FRMPD1: variants seen among roughly 807,000 people sequenced by gnomAD.
The protein encoded by FRMPD1 is FERM and PDZ domain containing 1.
In FRMPD1, 76 loss-of-function variants were observed where a neutral mutation model predicts 117.8. The ratio of observed to expected loss-of-function variants is 0.65; its 90% confidence interval spans 0.54 to 0.78. The LOEUF is 0.78. Among genes scored for constraint, FRMPD1 ranks in the 30% least tolerant of loss-of-function variants. FRMPD1 has a pLI of 0.00. For missense variants in FRMPD1, 1,786 were observed against 1,964.5 expected, an observed-to-expected ratio of 0.91 and a Z score of 1.72; for synonymous variants, 783 against 770.4, an observed-to-expected ratio of 1.02 and a Z score of -0.27.
the FRMPD1 span, among the ~76,000 whole-genome samples, chr9:37,610,259 C>T: frequency 1.3e-5 from 2 of 152,136 alleles, no homozygotes; most frequent in African/African-American, 4.8e-5. Context: ...ATGATCAAAT[C>T]AGAGTCATTG....
In FRMPD1 at chr9:37,740,260, G is replaced by T. The variant is rs1378838567; in HGVS notation, c.1732G>T (p.Ala578Ser). The T allele has an allele frequency of 1.9e-5, 30 of 1,613,788 alleles. No homozygotes were observed. The highest frequency in any genetic ancestry group is 1.6e-4 in the Middle Eastern group (1 of 6,076). ...VARRGPSTCG[A>S]SSTTDSAESE... Reference sequence around the variant, plus strand: ...TAGGAGGGGCCCCAGCACCTGCGGGGCCAGCAGCACGACAGACAGTGCCGA... The same window carrying T: ...TAGGAGGGGCCCCAGCACCTGCGGGTCCAGCAGCACGACAGACAGTGCCGA... The change falls in exon 15 of 16, where the codon GCC (alanine) becomes TCC (serine). Residue 578 changes from alanine to serine, a missense_variant. By Grantham distance (99) the Ala-to-Ser change is moderately conservative. Coordinates refer to ENST00000377765, the MANE Select transcript of FRMPD1 (RefSeq NM_014907.3). This position sits in a 1 kb window ranked among gnomAD's most constrained non-coding sequence, Gnocchi z 4.2.
chr9:37,640,188 A>C, the FRMPD1 span, among the ~76,000 whole-genome samples: 2 of 152,212 alleles, frequency 1.3e-5, no homozygotes, highest in Non-Finnish European at 2.9e-5. Context: ...TTGTCTGCAT[A>C]AGGGCTCCAA....
intron 1 of FRMPD1, among the ~76,000 whole-genome samples, chr9:37,656,103 CCTT>C (rs1808113681): frequency 6.6e-6 from 1 of 152,186 alleles, no homozygotes; most frequent in Admixed American, 6.5e-5. Flanking sequence ...GGCACAATGT[CCTT>C]CATCTTTCTA....
chr9:37,692,491 T>TA (rs1305934290), intron 1 of FRMPD1, 147 bp from the exon 2 acceptor site: 2 of 639,888 alleles, frequency 3.1e-6, no homozygotes, highest in East Asian at 5.3e-5. Flanking sequence ...AGCACCTGTT[T>TA]ATGTTGATTT....
chr9:37,745,479 T>G lies in FRMPD1; in HGVS notation c.3447T>G (p.Asp1149Glu). Residue 1149 changes from aspartate (D) to glutamate (E), a missense_variant, in exon 16 of 16, where the codon GAT (aspartate) becomes GAG (glutamate). By Grantham distance (45) the Asp-to-Glu change is conservative (BLOSUM62 2). Transcript: ENST00000377765. ...DVSNNVSQTLDISSPAGKIVT... is the reference protein window; with the variant it reads ...DVSNNVSQTLEISSPAGKIVT... ...CAAATAATGTTTCACAGACTCTTGATATTAGCTCTCCAGCTGGTAAAATAG... is the reference window on the plus strand; with the variant it reads ...CAAATAATGTTTCACAGACTCTTGAGATTAGCTCTCCAGCTGGTAAAATAG... The G allele has an allele frequency of 1.2e-6, 2 of 1,614,046 alleles. No individual in the cohort carries two copies. Among genetic ancestry groups the G allele is most frequent in the African/African-American group, 2.7e-5 (2 of 75,048 alleles).
chr9:37,704,551 A>G (rs971283344), intron 2 of FRMPD1, among the ~76,000 whole-genome samples: 1 of 152,104 alleles, frequency 6.6e-6, no homozygotes, highest in African/African-American at 2.4e-5. Context: ...TCCCAGCTGT[A>G]TGACTTTAAG....
chr9:37,623,001 A>G, the FRMPD1 span, among the ~76,000 whole-genome samples: 1 of 152,214 alleles, frequency 6.6e-6, no homozygotes, highest in East Asian at 1.9e-4. Context: ...CATATGATAA[A>G]ATAATATATA....
rs569035538 is a variant in FRMPD1, at chr9:37,655,754, C to T, written c.-5+4660C>T. Among the ~76,000 whole-genome samples the T allele has an allele frequency of 2.6e-4, 39 of 152,122 alleles. 1 individual carries two copies. The highest frequency in any genetic ancestry group is 5.8e-4 in the East Asian group (3 of 5,184). On this transcript the variant is annotated intron_variant, in intron 1 of 15. Transcript: ENST00000377765. ...TCCTGACCTTGTGATCCACCCGCCT[C>T]GGCCTCCCAAAGTGCTGAGATTACA... is the stretch of plus-strand genomic sequence containing the variant.
chr9:37,733,561 A>C lies in FRMPD1; in HGVS notation c.1084A>C (p.Met362Leu), dbSNP rs1465209862. 6.2e-7 allele frequency: 1 copy of C among 1,613,934 alleles called. No homozygotes were observed. The highest frequency in any genetic ancestry group is 1.3e-5 in the African/African-American group (1 of 75,046). Reference sequence around the variant, plus strand: ...CATCAAGAAAGCCATTAGCTTCCACATGAAGAGGAACCAGAATTTGCTGGA... The same window carrying C: ...CATCAAGAAAGCCATTAGCTTCCACCTGAAGAGGAACCAGAATTTGCTGGA... ...KDIKKAISFH[M>L]KRNQNLLEPR... The change falls in exon 11 of 16, where the codon ATG becomes CTG. Residue 362 changes from methionine (M) to leucine (L), a missense_variant. Coordinates refer to ENST00000377765, the MANE Select transcript of FRMPD1 (RefSeq NM_014907.3).
chr9:37,626,567 G>C, the FRMPD1 span, among the ~76,000 whole-genome samples: 1 of 136,208 alleles, frequency 7.3e-6, no homozygotes, highest in Non-Finnish European at 1.5e-5. Context: ...CAGGCAGATC[G>C]CTTGAGCTCA....
the FRMPD1 span, among the ~76,000 whole-genome samples, chr9:37,618,853 C>T: frequency 1.3e-5 from 2 of 152,200 alleles, no homozygotes; most frequent in Non-Finnish European, 2.9e-5. Flanking sequence ...TTCCCTAAAG[C>T]ACTCCATGGC....
upstream of FRMPD1, among the ~76,000 whole-genome samples, chr9:37,650,585 G>A (rs1041394804): frequency 1.3e-5 from 2 of 152,320 alleles, no homozygotes; most frequent in African/African-American, 4.8e-5. Context: ...GCGTGAGAAG[G>A]GGGTCGTTTT....
the FRMPD1 span, among the ~76,000 whole-genome samples, chr9:37,630,952 G>A: frequency 2.0e-5 from 3 of 152,156 alleles, no homozygotes; most frequent in African/African-American, 2.4e-5. Context: ...GACTCATACC[G>A]TGACCTCAAG....
chr9:37,694,254 TAC>T (rs2118045237), intron 2 of FRMPD1, among the ~76,000 whole-genome samples: 1 of 152,340 alleles, frequency 6.6e-6, no homozygotes, highest in South Asian at 2.1e-4. Context: ...TCCTATATCC[TAC>T]TTCTGCCTTC....
intron 6 of FRMPD1, among the ~76,000 whole-genome samples, chr9:37,723,247 C>T (rs1169415869): frequency 6.6e-6 from 1 of 152,188 alleles, no homozygotes; most frequent in Non-Finnish European, 1.5e-5. Context: ...GCATGCTGGT[C>T]ATCTGGCTTG....
In FRMPD1 at chr9:37,733,790, A is replaced by G. The variant is rs769128597; in HGVS notation, c.1183A>G (p.Thr395Ala). ...NYLQILGELKTYGGRIFNATL... is the reference protein window; with the variant it reads ...NYLQILGELKAYGGRIFNATL... ...TCTACAGATCCTCGGAGAACTCAAGACATATGGTGGAAGAATCTTTAATGC... is the reference window on the plus strand; with the variant it reads ...TCTACAGATCCTCGGAGAACTCAAGGCATATGGTGGAAGAATCTTTAATGC... The change falls in exon 12 of 16, where the codon ACA becomes GCA. Residue 395 changes from threonine (T) to alanine (A), a missense_variant. By Grantham distance (58) the Thr-to-Ala change is moderately conservative. Transcript: ENST00000377765. 1.2e-6 allele frequency: 2 copies of G among 1,601,984 alleles called. No homozygotes were observed. Among genetic ancestry groups the G allele is most frequent in the South Asian group, 2.2e-5 (2 of 90,856 alleles).
chr9:37,669,349 G>A (rs1271293287), intron 1 of FRMPD1, among the ~76,000 whole-genome samples: 3 of 152,080 alleles, frequency 2.0e-5, no homozygotes, highest in African/African-American at 4.8e-5. Flanking sequence ...TGTATTCTCC[G>A]AGAGCCTGTG....
chr9:37,734,851 A>G (rs1263584227), intron 12 of FRMPD1, among the ~76,000 whole-genome samples: 1 of 152,082 alleles, frequency 6.6e-6, no homozygotes, highest in African/African-American at 2.4e-5. Context: ...GGTACAAGAA[A>G]AACTTCCCAA....
At chr9:37,663,344 G>T (rs1429780417) in intron 1 of FRMPD1, among the ~76,000 whole-genome samples, 1 of 152,128 alleles carries the variant, frequency 6.6e-6, no homozygotes, top group Non-Finnish European at 1.5e-5. Flanking sequence ...TTGGAGATGG[G>T]CCAGGTGGGG....
Sources: allele counts gnomAD v4.1 joint callset (sites outside exome capture counted in the v4.1 genomes callset), GRCh38; gene constraint gnomAD v4.1.1; non-coding constraint Gnocchi (gnomAD v3.1); transcripts MANE v1.5; gene names NCBI Gene and HGNC (gene_info 2026-07-23, HGNC 2026-07-21).